The following FRMD5 variants were observed in gnomAD, a reference collection of about 807,000 sequenced individuals.
FRMD5 encodes the protein FERM domain containing 5, also known as FERM domain-containing protein 5.
A neutral mutation model predicts 69.0 loss-of-function variants in FRMD5; 20 were observed. The observed-to-expected ratio is 0.29, with a 90% confidence interval of 0.20 to 0.42. The LOEUF is 0.42. FRMD5 is among the 10% of genes least tolerant of loss of function. The probability of loss-of-function intolerance (pLI) is 1.00; values close to 1 mark genes in which losing one functional copy is unlikely to be tolerated. For synonymous variants in FRMD5, 271 were observed against 260.1 expected, an observed-to-expected ratio of 1.04 and a Z score of -0.40; for missense variants, 595 against 708.6, an observed-to-expected ratio of 0.84 and a Z score of 1.82.
At chr15:43,990,019 C>T in intron 1 of FRMD5, 1 of 858,756 alleles carries the variant, frequency 1.2e-6, no homozygotes, top group Non-Finnish European at 2.0e-6. Flanking sequence ...GACCTCGTTG[C>T]CCACATAGGA....
At chr15:43,878,576 G>A (rs186080939) in intron 13 of FRMD5, among the ~76,000 whole-genome samples, 28 of 152,252 alleles carry the variant, frequency 1.8e-4, no homozygotes, top group African/African-American at 6.0e-4. Flanking sequence ...ATGTACCTTG[G>A]GACAGGTTAT....
intron 2 of FRMD5, among the ~76,000 whole-genome samples, chr15:43,922,108 C>A (rs1159464274): frequency 6.6e-6 from 1 of 152,178 alleles, no homozygotes; most frequent in Non-Finnish European, 1.5e-5. Flanking sequence ...TCTCTGCTCT[C>A]CTTAACCCCT....
At chr15:44,036,303 T>G (rs1414385025) in intron 1 of FRMD5, among the ~76,000 whole-genome samples, 1 of 152,116 alleles carries the variant, frequency 6.6e-6, no homozygotes, top group African/African-American at 2.4e-5. Flanking sequence ...GTTCCTTCAA[T>G]TAGTCCCTCT....
intron 1 of FRMD5, among the ~76,000 whole-genome samples, chr15:43,958,459 C>T (rs761410510): frequency 2.0e-5 from 3 of 152,210 alleles, no homozygotes; most frequent in Non-Finnish European, 4.4e-5. Flanking sequence ...AGGTCTCACT[C>T]TGTCGCCCAG....
At chr15:44,039,952 T>C (rs1892114082) in intron 1 of FRMD5, among the ~76,000 whole-genome samples, 1 of 151,978 alleles carries the variant, frequency 6.6e-6, no homozygotes, top group Admixed American at 6.6e-5. Context: ...AATTGCTAAC[T>C]AGAATAACTA....
chr15:43,886,884 C>T (rs757237669), intron 10 of FRMD5, among the ~76,000 whole-genome samples: 4 of 152,094 alleles, frequency 2.6e-5, no homozygotes, highest in Non-Finnish European at 2.9e-5. Context: ...AGGCTTTTAC[C>T]GTTTGATGAG....
At chr15:44,102,981 C>T (rs2076661259) in intron 1 of FRMD5, among the ~76,000 whole-genome samples, 1 of 152,184 alleles carries the variant, frequency 6.6e-6, no homozygotes, top group Non-Finnish European at 1.5e-5. Context: ...CTTGCCTACA[C>T]TCATAACCTT....
intron 1 of FRMD5, among the ~76,000 whole-genome samples, chr15:43,977,912 T>C (rs987064973): frequency 6.6e-6 from 1 of 152,192 alleles, no homozygotes; most frequent in African/African-American, 2.4e-5. Context: ...GTAACAACCC[T>C]GACTACAACA....
chr15:44,192,433 T>G (rs1318511302), intron 1 of FRMD5, among the ~76,000 whole-genome samples: 1 of 152,188 alleles, frequency 6.6e-6, no homozygotes, highest in East Asian at 1.9e-4. Context: ...TACAACACTT[T>G]AAGGAAAATG....
intron 1 of FRMD5, chr15:43,989,308 G>A (rs573187806): frequency 2.9e-5 from 23 of 784,954 alleles, no homozygotes; most frequent in South Asian, 8.0e-5. Context: ...GTTGGCATAC[G>A]GGTCTTTGAG....
chr15:44,143,525 G>A (rs185304246), intron 1 of FRMD5, among the ~76,000 whole-genome samples: 7 of 151,794 alleles, frequency 4.6e-5, no homozygotes, highest in Non-Finnish European at 7.4e-5. Flanking sequence ...CTTTCCAAGG[G>A]TTCCATTAAT....
At chr15:43,961,332 C>T (rs1481798224) in intron 1 of FRMD5, among the ~76,000 whole-genome samples, 1 of 152,154 alleles carries the variant, frequency 6.6e-6, no homozygotes. Flanking sequence ...TCGACACATA[C>T]ACTCTCCCAA....
chr15:44,060,100 A>G (rs1001434722), intron 1 of FRMD5, among the ~76,000 whole-genome samples: 1 of 152,240 alleles, frequency 6.6e-6, no homozygotes, highest in Non-Finnish European at 1.5e-5. Context: ...GATTAGAAGC[A>G]GAAGCAGAGG....
At chr15:44,177,776 T>C (rs749041838) in intron 1 of FRMD5, among the ~76,000 whole-genome samples, 9 of 152,146 alleles carry the variant, frequency 5.9e-5, no homozygotes, top group Non-Finnish European at 1.3e-4. Flanking sequence ...AAAGATTACA[T>C]ATTGTATGAT....
At chr15:43,997,650 T>C (rs1054938967) in intron 1 of FRMD5, among the ~76,000 whole-genome samples, 2 of 28,052 alleles carry the variant, frequency 7.1e-5, no homozygotes, top group Non-Finnish European at 2.9e-4. Context: ...GCCTGATTTC[T>C]ATTCTTTTTA....
chr15:44,001,324 T>C (rs1215051059), intron 1 of FRMD5, among the ~76,000 whole-genome samples: 2 of 152,234 alleles, frequency 1.3e-5, no homozygotes, highest in African/African-American at 2.4e-5. Flanking sequence ...GATAGACATA[T>C]GGACTATAAA....
chr15:43,903,600 G>C (rs975697496), intron 6 of FRMD5, among the ~76,000 whole-genome samples: 7 of 152,210 alleles, frequency 4.6e-5, no homozygotes, highest in African/African-American at 1.4e-4. Flanking sequence ...AAAGACTTCT[G>C]CATCCACTAG....
intron 7 of FRMD5, among the ~76,000 whole-genome samples, chr15:43,900,090 T>C (rs144459420): frequency 2.8e-4 from 43 of 152,276 alleles, no homozygotes; most frequent in African/African-American, 1.0e-3. Context: ...TGAACATATC[T>C]TCAGGCAGCC....
chr15:43,991,604 G>A (rs1448541907), intron 1 of FRMD5, among the ~76,000 whole-genome samples: 1 of 152,192 alleles, frequency 6.6e-6, no homozygotes, highest in Non-Finnish European at 1.5e-5. Context: ...TTTACAGGGA[G>A]GACAAATATT....
Sources: allele counts gnomAD v4.1 joint callset (sites outside exome capture counted in the v4.1 genomes callset), GRCh38; gene constraint gnomAD v4.1.1; transcripts MANE v1.5; gene names NCBI Gene and HGNC (gene_info 2026-07-23, HGNC 2026-07-21).